SLCO1A2: variants seen among roughly 807,000 people sequenced by gnomAD.
SLCO1A2 encodes the protein solute carrier organic anion transporter family member 1A2.
A neutral mutation model predicts 69.0 loss-of-function variants in SLCO1A2; 67 were observed. The ratio of observed to expected loss-of-function variants is 0.97; its 90% CI spans 0.80 to 1.19. The LOEUF (loss-of-function observed/expected upper bound fraction) is 1.19. SLCO1A2 is among the 50% of genes most tolerant of loss of function. The pLI is 0.00. For missense variants in SLCO1A2, 787 were observed against 793.7 expected (o/e 0.99, Z 0.10); for synonymous variants, 260 against 265.9 (o/e 0.98, Z 0.22).
intron 1 of SLCO1A2, among the ~76,000 whole-genome samples, chr12:21,386,497 A>T (rs1456005190): frequency 6.6e-6 from 1 of 152,166 alleles, no homozygotes; most frequent in Middle Eastern, 3.4e-3. Context: ...ATGATAGTGA[A>T]TAAGTCTCAC....
intron 1 of SLCO1A2, among the ~76,000 whole-genome samples, chr12:21,380,851 C>T (rs1272972260): frequency 6.6e-6 from 1 of 151,858 alleles, no homozygotes; most frequent in Non-Finnish European, 1.5e-5. Flanking sequence ...GAAGAGAGGG[C>T]CCCCCAACCC....
intron 12 of SLCO1A2, among the ~76,000 whole-genome samples, chr12:21,287,242 C>CA (rs1399507583): frequency 2.0e-5 from 3 of 149,048 alleles, no homozygotes; most frequent in Middle Eastern, 3.2e-3. Context: ...TTTATGCAGC[C>CA]AAAAAACACA....
chr12:21,409,183 G>C (rs993325347), intron 1 of SLCO1A2, among the ~76,000 whole-genome samples: 69 of 152,096 alleles, frequency 4.5e-4, no homozygotes, highest in African/African-American at 1.6e-3. Context: ...CTGAGGTTTT[G>C]CTTCTTTTCA....
chr12:21,271,863 T>C (rs1942930015), intron 14 of SLCO1A2, among the ~76,000 whole-genome samples: 1 of 148,960 alleles, frequency 6.7e-6, no homozygotes, highest in African/African-American at 2.4e-5. Flanking sequence ...TATTTGTACA[T>C]ATGCAAATAT....
At chr12:21,405,764 T>A (rs141835711) in intron 1 of SLCO1A2, among the ~76,000 whole-genome samples, 11 of 152,170 alleles carry the variant, frequency 7.2e-5, no homozygotes, top group African/African-American at 2.2e-4. Flanking sequence ...TAACTCCAGA[T>A]GGACTAAAGA....
intron 12 of SLCO1A2, among the ~76,000 whole-genome samples, chr12:21,275,700 G>C (rs1943690459): frequency 6.6e-6 from 1 of 152,082 alleles, no homozygotes; most frequent in Non-Finnish European, 1.5e-5. Context: ...CAGCACACTG[G>C]GAGGCCAAGG....
At chr12:21,405,309 C>A (rs146116079) in intron 1 of SLCO1A2, among the ~76,000 whole-genome samples, 1 of 152,010 alleles carries the variant, frequency 6.6e-6, no homozygotes, top group African/African-American at 2.4e-5. Flanking sequence ...CCTTGCCTAT[C>A]TCCTGAATAA....
intron 12 of SLCO1A2, among the ~76,000 whole-genome samples, chr12:21,288,799 A>G (rs1279777179): frequency 6.6e-6 from 1 of 151,888 alleles, no homozygotes; most frequent in East Asian, 1.9e-4. Context: ...CACCTACTAT[A>G]TACCCATAAA....
At chr12:21,344,477 T>C (rs1413818339) in intron 2 of SLCO1A2, among the ~76,000 whole-genome samples, 1 of 152,104 alleles carries the variant, frequency 6.6e-6, no homozygotes, top group Non-Finnish European at 1.5e-5. Context: ...TACTTTTGAA[T>C]TTGATATGCC....
chr12:21,377,441 C>A (rs919953410), intron 1 of SLCO1A2, among the ~76,000 whole-genome samples: 5 of 152,042 alleles, frequency 3.3e-5, no homozygotes, highest in Admixed American at 6.6e-5. Flanking sequence ...ACCCTTTTAA[C>A]AAATTTTTAA....
At chr12:21,299,885 T>C (rs1948427405) in intron 8 of SLCO1A2, among the ~76,000 whole-genome samples, 1 of 65,162 alleles carries the variant, frequency 1.5e-5, no homozygotes, top group East Asian at 1.2e-3. Context: ...TATATATATA[T>C]ACGTGTATAT....
chr12:21,401,011 A>T (rs917496127), intron 1 of SLCO1A2, among the ~76,000 whole-genome samples: 2 of 151,334 alleles, frequency 1.3e-5, no homozygotes, highest in Non-Finnish European at 2.9e-5. Flanking sequence ...CATGTACCCT[A>T]AAACTTAAAG....
chr12:21,383,435 A>T (rs1328367141), intron 1 of SLCO1A2, among the ~76,000 whole-genome samples: 1 of 152,080 alleles, frequency 6.6e-6, no homozygotes, highest in African/African-American at 2.4e-5. Context: ...CTTGTGCATT[A>T]ACCATCCCAT....
intron 14 of SLCO1A2, among the ~76,000 whole-genome samples, chr12:21,270,291 A>G (rs1430410686): frequency 3.3e-5 from 5 of 151,786 alleles, no homozygotes; most frequent in Non-Finnish European, 5.9e-5. Flanking sequence ...AAAGTTTTCT[A>G]CCTTTATTGT....
chr12:21,367,979 A>G (rs988864705), intron 2 of SLCO1A2, among the ~76,000 whole-genome samples: 3 of 152,198 alleles, frequency 2.0e-5, no homozygotes, highest in Non-Finnish European at 4.4e-5. Context: ...AATGAATGAC[A>G]GAATTAGACT....
chr12:21,390,530 G>A (rs1941100107), intron 1 of SLCO1A2, among the ~76,000 whole-genome samples: 3 of 152,166 alleles, frequency 2.0e-5, no homozygotes, highest in Admixed American at 6.5e-5. Flanking sequence ...ACATTTCCTA[G>A]TCTACATTTT....
chr12:21,386,759 T>C (rs1417706672), intron 1 of SLCO1A2, among the ~76,000 whole-genome samples: 3 of 152,022 alleles, frequency 2.0e-5, no homozygotes, highest in East Asian at 1.9e-4. Context: ...GCTGTAAATA[T>C]ACCTAAAAAT....
At chr12:21,321,036 C>A (rs1295405146) in intron 2 of SLCO1A2, among the ~76,000 whole-genome samples, 1 of 152,144 alleles carries the variant, frequency 6.6e-6, no homozygotes, top group Non-Finnish European at 1.5e-5. Flanking sequence ...GCTGGTGTTT[C>A]TTGAAACTAC....
upstream of SLCO1A2, among the ~76,000 whole-genome samples, chr12:21,336,684 A>T (rs956310898): frequency 1.3e-5 from 2 of 152,018 alleles, no homozygotes; most frequent in African/African-American, 4.8e-5. Context: ...AAATCCATAA[A>T]ATCCAACGGT....
Sources: allele counts gnomAD v4.1 joint callset (sites outside exome capture counted in the v4.1 genomes callset), GRCh38; gene constraint gnomAD v4.1.1; transcripts MANE v1.5; gene names NCBI Gene and HGNC (gene_info 2026-07-23, HGNC 2026-07-21).